Variants in PCDHAC2 observed in about 807,000 individuals in gnomAD.
The protein encoded by PCDHAC2 is protocadherin alpha-C2.
Under a neutral mutation model 63.3 loss-of-function variants are expected in PCDHAC2, and 24 were observed. The observed-to-expected ratio is 0.38, with a 90% CI of 0.27 to 0.53. PCDHAC2 has a LOEUF of 0.53. PCDHAC2 is among the 20% of genes least tolerant of loss of function. PCDHAC2 has a pLI of 0.81. For synonymous variants in PCDHAC2, 569 were observed against 529.4 expected (o/e 1.07, Z -1.03); for missense variants, 1,181 against 1,275.2 (o/e 0.93, Z 1.12).
At chr5:140,977,865 G>C (rs2096778412) in intron 1 of PCDHAC2, among the ~76,000 whole-genome samples, 4 of 152,172 alleles carry the variant, frequency 2.6e-5, no homozygotes, top group Non-Finnish European at 5.9e-5. Flanking sequence ...ACCAAATATG[G>C]TAAGTATAAT....
chr5:140,986,753 A>C (rs2097211895), intron 3 of PCDHAC2, among the ~76,000 whole-genome samples: 1 of 152,236 alleles, frequency 6.6e-6, no homozygotes, highest in Non-Finnish European at 1.5e-5. Flanking sequence ...CTGGGACTAA[A>C]CAGTGAAAGA....
At chr5:141,002,474 C>T (rs141241701) in intron 3 of PCDHAC2, among the ~76,000 whole-genome samples, 65 of 152,334 alleles carry the variant, frequency 4.3e-4, no homozygotes, top group African/African-American at 1.3e-3. Flanking sequence ...TTAGCATTTT[C>T]AAAGGATGAC....
At chr5:140,992,471 A>G (rs1563581785) in intron 3 of PCDHAC2, among the ~76,000 whole-genome samples, 1 of 152,186 alleles carries the variant, frequency 6.6e-6, no homozygotes, top group Non-Finnish European at 1.5e-5. Context: ...TACTCTTTAG[A>G]TCACCCAGAG....
At chr5:140,991,919 A>T (rs185947527) in intron 3 of PCDHAC2, among the ~76,000 whole-genome samples, 96 of 152,274 alleles carry the variant, frequency 6.3e-4, no homozygotes, top group Admixed American at 1.2e-3. Flanking sequence ...GCCATGTAAC[A>T]TAACATATTC....
chr5:141,009,732 A>G lies in PCDHAC2; in HGVS notation c.2819A>G (p.Glu940Gly). ...AACCCCAAACAATCCGGTCCCGGTG[A>G]GTTGCCCGACAAATTCATTATCCCA... is the stretch of plus-strand genomic sequence containing the variant. Reference protein sequence around the residue: ...PGNPKQSGPGELPDKFIIPGS... With the variant: ...PGNPKQSGPGGLPDKFIIPGS... Residue 940 changes from glutamate to glycine, a missense_variant, in exon 4 of 4, where the codon GAG becomes GGG. Transcript: ENST00000289269. The G allele has an allele frequency of 6.2e-7, 1 of 1,614,168 alleles. No individual in the cohort carries two copies. Among genetic ancestry groups the G allele is most frequent in the Non-Finnish European group, 8.5e-7 (1 of 1,180,032 alleles).
At chr5:141,000,419 ATATTTTTT>A (rs1194100555) in intron 3 of PCDHAC2, among the ~76,000 whole-genome samples, 4 of 60,996 alleles carry the variant, frequency 6.6e-5, no homozygotes, top group African/African-American at 2.3e-4. Flanking sequence ...ATATATATAT[ATATTTTTT>A]TTTTTTTTTT....
intron 3 of PCDHAC2, among the ~76,000 whole-genome samples, chr5:140,988,079 G>A (rs1431334458): frequency 6.6e-6 from 1 of 152,188 alleles, no homozygotes; most frequent in Non-Finnish European, 1.5e-5. Flanking sequence ...TATTTCATGA[G>A]TGAGTGCAGC....
At chr5:141,002,085 A>G (rs959603404) in intron 3 of PCDHAC2, among the ~76,000 whole-genome samples, 1 of 152,244 alleles carries the variant, frequency 6.6e-6, no homozygotes, top group African/African-American at 2.4e-5. Context: ...AAGAACGAGC[A>G]GTCCAGGGGC....
Position 140,967,433 on chromosome 5 carries a change from C to A in PCDHAC2, c.667C>A (p.His223Asn). The A allele has an allele frequency of 6.2e-7, 1 of 1,613,500 alleles. No homozygotes were observed. Among genetic ancestry groups the A allele is most frequent in the Non-Finnish European group, 8.5e-7 (1 of 1,179,858 alleles). The change falls in exon 1 of 4, where the codon CAC (histidine) becomes AAC (asparagine). Residue 223 changes from histidine (H) to asparagine (N), a missense_variant. Physicochemically the swap from His to Asn is moderately conservative, Grantham distance 68 (BLOSUM62 1). Around this residue, in one of 3 missense-constraint regions of PCDHAC2, gnomAD observed 968 missense variants for 1,073.5 expected, o/e 0.90. Transcript: ENST00000289269. ...KGLDREQAAL[H>N]HLVLTAVDGG... is the part of the protein sequence containing the mutation. ...CCTAGACCGGGAGCAGGCAGCCTTG[C>A]ACCACCTGGTTCTCACAGCCGTGGA...
intron 1 of PCDHAC2, among the ~76,000 whole-genome samples, chr5:140,973,377 G>T (rs1176312664): frequency 1.3e-5 from 2 of 152,208 alleles, no homozygotes; most frequent in Non-Finnish European, 2.9e-5. Context: ...ACAATGGTCA[G>T]AATAGACAAA....
chr5:140,970,527 ATG>A (rs1270257257), intron 1 of PCDHAC2, among the ~76,000 whole-genome samples: 2 of 151,436 alleles, frequency 1.3e-5, no homozygotes, highest in African/African-American at 4.9e-5. Context: ...GTAGATGAAT[ATG>A]TGTGTGTGTT....
At position 140,977,766 on chromosome 5, in the gene PCDHAC2, G is replaced by C. The variant is rs559146656; in HGVS notation, c.2566-1183G>C. ...AAGAAATGTGTTTATTAAATACTTTGCATCCCTTAAAGGAACTATATGAAT... is the reference window on the plus strand; with the variant it reads ...AAGAAATGTGTTTATTAAATACTTTCCATCCCTTAAAGGAACTATATGAAT... On this transcript the variant is annotated intron_variant, in intron 1 of 3. Coordinates refer to ENST00000289269, the MANE Select transcript of PCDHAC2 (RefSeq NM_018899.6). Among the ~76,000 whole-genome samples, 3 of 152,272 alleles carry C rather than the reference G, an allele frequency of 2.0e-5. No homozygotes were observed. In the South Asian group the frequency reaches 6.2e-4, roughly 32 times the overall value.
Position 140,968,417 on chromosome 5 carries a change from G to T in PCDHAC2, c.1651G>T (p.Ala551Ser), listed in dbSNP as rs1459159857. 6 of 1,614,036 alleles carry T rather than the reference G, an allele frequency of 3.7e-6. No homozygotes were observed. Among genetic ancestry groups the T allele is most frequent in the Non-Finnish European group, 5.1e-6 (6 of 1,180,016 alleles). Residue 551 changes from alanine to serine, a missense_variant, in exon 1 of 4, where the codon GCT (alanine) becomes TCT (serine). By Grantham distance (99) the Ala-to-Ser change is moderately conservative. Around this residue, in one of 3 missense-constraint regions of PCDHAC2, gnomAD observed 968 missense variants for 1,073.5 expected, o/e 0.90. Coordinates refer to ENST00000289269, the MANE Select transcript of PCDHAC2 (RefSeq NM_018899.6). ...KFREFFVTVE[A>S]QDKGSPPLSS... ...TCGGGAGTTCTTTGTGACTGTGGAGGCTCAGGACAAGGGGAGCCCACCACT... is the reference window on the plus strand; with the variant it reads ...TCGGGAGTTCTTTGTGACTGTGGAGTCTCAGGACAAGGGGAGCCCACCACT...
chr5:141,006,275 G>A (rs782763386), intron 3 of PCDHAC2, among the ~76,000 whole-genome samples: 1 of 151,772 alleles, frequency 6.6e-6, no homozygotes. Flanking sequence ...GCAGTGGCAC[G>A]ATCTCAGCTC....
chr5:140,989,633 A>AGG (rs2097351730), intron 3 of PCDHAC2, among the ~76,000 whole-genome samples: 1 of 152,226 alleles, frequency 6.6e-6, no homozygotes. Flanking sequence ...AGTGACAGCA[A>AGG]GGGTCTTTCA....
chr5:140,995,276 C>T (rs2097674050), intron 3 of PCDHAC2, among the ~76,000 whole-genome samples: 4 of 152,030 alleles, frequency 2.6e-5, no homozygotes, highest in Non-Finnish European at 1.5e-5. Flanking sequence ...CCCTTTGATA[C>T]CAAAACAGCC....
chr5:140,984,964 G>C (rs930753325), intron 3 of PCDHAC2, among the ~76,000 whole-genome samples: 1 of 151,818 alleles, frequency 6.6e-6, no homozygotes, highest in Non-Finnish European at 1.5e-5. Context: ...TTGAGACAGA[G>C]TCTCGCTCTG....
chr5:140,997,785 A>G (rs537383326), intron 3 of PCDHAC2, among the ~76,000 whole-genome samples: 2 of 152,218 alleles, frequency 1.3e-5, no homozygotes, highest in Admixed American at 1.3e-4. Flanking sequence ...GTATACCTAT[A>G]TTATAATTTA....
Position 140,967,283 on chromosome 5 carries a change from C to T in PCDHAC2, c.517C>T (p.Gln173Ter). ...PGARFHIESA[Q>*]DPDVGANSVQ... ...AGCGCGCTTTCACATAGAGAGTGCGCAGGACCCCGACGTGGGCGCCAACTC... is the reference window on the plus strand; with the variant it reads ...AGCGCGCTTTCACATAGAGAGTGCGTAGGACCCCGACGTGGGCGCCAACTC... The change falls in exon 1 of 4, where the codon CAG becomes TAG. Residue 173 changes from glutamine (Q) to a stop codon, truncating the protein, a stop_gained. Transcript: ENST00000289269. LOFTEE classifies it high-confidence loss of function. The T allele has an allele frequency of 6.2e-7, 1 of 1,613,158 alleles. No homozygotes were observed. Among genetic ancestry groups the T allele is most frequent in the Non-Finnish European group, 8.5e-7 (1 of 1,179,610 alleles).
Sources: allele counts gnomAD v4.1 joint callset (sites outside exome capture counted in the v4.1 genomes callset), GRCh38; gene constraint gnomAD v4.1.1; regional missense constraint gnomAD v4.1.1; transcripts MANE v1.5; gene names NCBI Gene and HGNC (gene_info 2026-07-23, HGNC 2026-07-21).